Variants in RGS8 observed in about 807,000 individuals in gnomAD.
RGS8 encodes regulator of G protein signaling 8, also known as regulator of G-protein signaling 8.
Under a neutral mutation model 21.7 loss-of-function variants are expected in RGS8, and 8 were observed. The ratio of observed to expected loss-of-function variants is 0.37; its 90% CI spans 0.22 to 0.66. The LOEUF is 0.66. Among genes scored for constraint, RGS8 ranks in the 30% least tolerant of loss-of-function variants. The pLI is 0.59. For missense variants in RGS8, 157 were observed against 217.9 expected (o/e 0.72, Z 1.76); for synonymous variants, 80 against 83.6 (o/e 0.96, Z 0.24).
intron 5 of RGS8, among the ~76,000 whole-genome samples, chr1:182,659,403 G>A (rs1159729133): frequency 6.6e-6 from 1 of 152,204 alleles, no homozygotes; most frequent in Non-Finnish European, 1.5e-5. Context: ...TACAGGAGAA[G>A]TATTATAAAA....
the RGS8 span, among the ~76,000 whole-genome samples, chr1:182,734,140 C>T: frequency 6.6e-6 from 1 of 151,890 alleles, no homozygotes; most frequent in Non-Finnish European, 1.5e-5. Context: ...AGGCTGGTCT[C>T]GAACTCCTGG....
the RGS8 span, among the ~76,000 whole-genome samples, chr1:182,741,556 C>A: frequency 8.2e-6 from 1 of 122,210 alleles, no homozygotes; most frequent in Non-Finnish European, 1.8e-5. Context: ...GGGCTCCTCA[C>A]TTCCCAGTAG....
Position 182,655,333 on chromosome 1 carries a change from G to A in RGS8, c.194-7030C>T, listed in dbSNP as rs117317991. ...CAAGGAGGCCACAAGTGACACCACA[G>A]ATGGTGACATTTCCAGGTGGGGTGG... On this transcript the variant is annotated intron_variant, in intron 5 of 6. Coordinates refer to ENST00000483095, the Ensembl canonical transcript of RGS8. Among the ~76,000 whole-genome samples, 135 of 152,374 alleles carry A rather than the reference G, an allele frequency of 8.9e-4. 6 individuals are homozygous for A. In the East Asian group the frequency reaches 0.026, roughly 29 times the overall value.
chr1:182,643,241 A>G (rs768120040), downstream of RGS8: 2 of 151,096 alleles, frequency 1.3e-5, no homozygotes, highest in Non-Finnish European at 2.9e-5. Flanking sequence ...AGGGCTGGCC[A>G]GGTTCCTCGG....
exon 7 of RGS8, chr1:182,646,860 G>A: frequency 6.2e-7 from 1 of 1,614,190 alleles, no homozygotes; most frequent in Non-Finnish European, 8.5e-7. Flanking sequence ...AAGCAAGTCA[G>A]GGATGGCTCC....
upstream of RGS8, among the ~76,000 whole-genome samples, chr1:182,689,245 ACGCG>A (rs1664769162): frequency 6.9e-6 from 1 of 145,488 alleles, no homozygotes; most frequent in African/African-American, 2.6e-5. Context: ...TCTCTCGTGC[ACGCG>A]CACGCACACA....
upstream of RGS8, among the ~76,000 whole-genome samples, chr1:182,676,057 C>A (rs1439906377): frequency 1.3e-5 from 2 of 152,116 alleles, no homozygotes; most frequent in Non-Finnish European, 2.9e-5. Context: ...CTGAAGTCAA[C>A]AGAATGCTAA....
At chr1:182,726,531 A>C in the RGS8 span, among the ~76,000 whole-genome samples, 358 of 152,280 alleles carry the variant, frequency 2.4e-3, 1 homozygote, top group Non-Finnish European at 4.1e-3. Context: ...TTAGCCGAGC[A>C]TGGTGGTGCA....
upstream of RGS8, among the ~76,000 whole-genome samples, chr1:182,685,422 G>T (rs1170243642): frequency 6.6e-6 from 1 of 152,238 alleles, no homozygotes; most frequent in Non-Finnish European, 1.5e-5. Context: ...CATGAGGCAG[G>T]TTCACTGCGC....
At chr1:182,685,698 TTCTC>T (rs879644532), upstream of RGS8, among the ~76,000 whole-genome samples, 108 of 152,194 alleles carry the variant, frequency 7.1e-4, no homozygotes, top group Non-Finnish European at 1.4e-3. Flanking sequence ...ACTCTGGGCG[TTCTC>T]AGTCAAGCCT....
chr1:182,682,628 C>G (rs1169353829), intron 1 of RGS8, among the ~76,000 whole-genome samples: 1 of 152,188 alleles, frequency 6.6e-6, no homozygotes, highest in African/African-American at 2.4e-5. Context: ...CTTGTTATCA[C>G]TCATTTTACA....
At chr1:182,671,894 T>C in exon 1 of RGS8, 1 of 1,477,900 alleles carries the variant, frequency 6.8e-7, no homozygotes, top group East Asian at 2.5e-5. Context: ...CTGAAAGCTC[T>C]TCTCTCTGCT....
At chr1:182,689,671 G>A in the RGS8 span, among the ~76,000 whole-genome samples, 3 of 152,198 alleles carry the variant, frequency 2.0e-5, no homozygotes, top group Non-Finnish European at 4.4e-5. Flanking sequence ...ACAGAAAATA[G>A]GATGGATGAA....
At chr1:182,747,445 C>T in the RGS8 span, among the ~76,000 whole-genome samples, 15 of 152,080 alleles carry the variant, frequency 9.9e-5, no homozygotes, top group African/African-American at 3.6e-4. Flanking sequence ...AGTGCTGTAA[C>T]ATAAGGGGTA....
At chr1:182,720,132 T>C in the RGS8 span, among the ~76,000 whole-genome samples, 1 of 152,234 alleles carries the variant, frequency 6.6e-6, no homozygotes, top group African/African-American at 2.4e-5. Flanking sequence ...AAAGATAAAA[T>C]TGACCTGAAG....
upstream of RGS8, chr1:182,671,977 C>T (rs575838623): frequency 1.9e-5 from 24 of 1,280,890 alleles, 1 homozygote; most frequent in African/African-American, 7.6e-5. Context: ...ACAGTCTGCA[C>T]GCCCATCCTC....
At chr1:182,737,782 C>T in the RGS8 span, among the ~76,000 whole-genome samples, 4 of 151,982 alleles carry the variant, frequency 2.6e-5, no homozygotes, top group Non-Finnish European at 4.4e-5. Flanking sequence ...TCTTTGGGGG[C>T]GACCATTCAA....
upstream of RGS8, among the ~76,000 whole-genome samples, chr1:182,674,281 T>C (rs1298219903): frequency 6.6e-6 from 1 of 152,122 alleles, no homozygotes; most frequent in Non-Finnish European, 1.5e-5. Context: ...TAACCAGGCA[T>C]CAGAATCTTC....
chr1:182,739,215 C>T, the RGS8 span, among the ~76,000 whole-genome samples: 2 of 152,232 alleles, frequency 1.3e-5, no homozygotes, highest in African/African-American at 2.4e-5. Context: ...GCTTCACCTT[C>T]TGCTCTTTCT....
Sources: gnomAD v4.1 joint callset for allele counts (sites outside exome capture counted in the v4.1 genomes callset) on GRCh38, gnomAD v4.1.1 for gene constraint, MANE v1.5 for transcripts, NCBI Gene and HGNC (gene_info 2026-07-23, HGNC 2026-07-21) for gene names.